Variants in IL17REL observed in about 807,000 individuals in gnomAD.
The protein encoded by IL17REL is interleukin-17 receptor E-like protein.
Under a neutral mutation model 49.0 loss-of-function variants are expected in IL17REL, and 36 were observed. That is an observed-to-expected ratio of 0.73 (90% CI 0.56 to 0.97). The LOEUF (loss-of-function observed/expected upper bound fraction) is 0.97. IL17REL is among the 50% of genes least tolerant of loss of function. The pLI is 0.00. For missense variants in IL17REL, 470 were observed against 453.9 expected (o/e 1.04, Z -0.32); for synonymous variants, 206 against 192.4 (o/e 1.07, Z -0.58).
upstream of IL17REL, among the ~76,000 whole-genome samples, chr22:50,009,238 C>G (rs900629939): frequency 2.0e-5 from 3 of 151,888 alleles, no homozygotes; most frequent in Non-Finnish European, 2.9e-5. Context: ...GGGGGCATGC[C>G]GTGCAGTGAA....
At chr22:50,003,413 C>T (rs867585169) in intron 1 of IL17REL, among the ~76,000 whole-genome samples, 43 of 149,324 alleles carry the variant, frequency 2.9e-4, no homozygotes, top group African/African-American at 9.6e-4. Flanking sequence ...CCCAGCTACT[C>T]AGGAAGCTGA....
rs1486842163 is a variant in IL17REL at position 49,999,597 on chromosome 22, C to T, written c.475-95G>A. 1.1e-5 allele frequency: 5 copies of T among 455,606 alleles called. No individual in the cohort carries two copies. The Admixed American group carries it at 1.3e-4, about 12-fold the overall frequency. 28.2% of individuals were successfully genotyped at this position (455,606 alleles called of 1,614,324 possible). ...GCACCGAACGGGGCGGGAGCGGGGA[C>T]GGGAGGTGGGTGGGGCCTAGGCCTG... On this transcript the variant is annotated intron_variant, in intron 5 of 12. Transcript: ENST00000341280.
intron 1 of IL17REL, among the ~76,000 whole-genome samples, chr22:50,007,155 A>C (rs1203927779): frequency 1.3e-5 from 2 of 152,074 alleles, no homozygotes; most frequent in African/African-American, 4.8e-5. Context: ...TGAACAGTAA[A>C]CCTTTGGAAT....
intron 5 of IL17REL, 25 bp downstream of exon 7, chr22:49,999,803 C>T (rs1375953710): frequency 2.0e-5 from 30 of 1,478,836 alleles, no homozygotes; most frequent in South Asian, 2.6e-5. Flanking sequence ...TAAGGCTGAC[C>T]GGGGCCCGGG....
intron 10 of IL17REL, chr22:49,997,473 C>A (rs2030918460): frequency 1.3e-6 from 2 of 1,540,060 alleles, no homozygotes; most frequent in South Asian, 2.3e-5. Flanking sequence ...GCTGGATGGT[C>A]ATTTTCCAGG....
chr22:50,001,310 A>T, intron 1 of IL17REL, 79 bp from the exon 3 acceptor site: 1 of 628,234 alleles, frequency 1.6e-6, no homozygotes, highest in Non-Finnish European at 2.8e-6. Flanking sequence ...GGGAAGGGGG[A>T]GAGAGCCCTG....
At chr22:49,992,978 C>T (rs2061013574), downstream of IL17REL, among the ~76,000 whole-genome samples, 1 of 152,202 alleles carries the variant, frequency 6.6e-6, no homozygotes, top group Non-Finnish European at 1.5e-5. Context: ...TCATTCCTCA[C>T]CCCACACTGG....
chr22:49,997,238 A>C, intron 11 of IL17REL, 82 bp downstream of exon 13: 2 of 1,470,528 alleles, frequency 1.4e-6, no homozygotes, highest in Non-Finnish European at 1.9e-6. Context: ...CGGGTGGGGC[A>C]GAGACCACCA....
chr22:50,005,977 A>T (rs915798175), intron 1 of IL17REL, among the ~76,000 whole-genome samples: 7 of 152,024 alleles, frequency 4.6e-5, no homozygotes, highest in African/African-American at 1.7e-4. Context: ...CTTCCTAGAA[A>T]CGTAGGAGAG....
At chr22:49,996,455 C>T (rs2061034947) in exon 13 of IL17REL, 1 of 153,268 alleles carries the variant, frequency 6.5e-6, no homozygotes, top group Non-Finnish European at 1.5e-5. Context: ...GAGCCTGGGC[C>T]TCAGTGGCTG....
downstream of IL17REL, among the ~76,000 whole-genome samples, chr22:49,993,513 T>C (rs2061016531): frequency 1.3e-5 from 2 of 152,098 alleles, no homozygotes; most frequent in Non-Finnish European, 2.9e-5. The surrounding 1 kb of genome is among the most constrained non-coding windows in gnomAD (Gnocchi z 6.0). Context: ...GGGCGGCTGA[T>C]CCGGCTCAGC....
chr22:50,000,975 GC>G (rs878930442), intron 2 of IL17REL, 106 bp downstream of exon 3: 13 of 1,252,012 alleles, frequency 1.0e-5, no homozygotes, highest in Non-Finnish European at 1.4e-5. Context: ...GCGGTTAGCA[GC>G]CCCCCTCCCT....
intron 1 of IL17REL, among the ~76,000 whole-genome samples, chr22:50,006,340 GC>G (rs2061110391): frequency 6.6e-6 from 1 of 152,040 alleles, no homozygotes; most frequent in African/African-American, 2.4e-5. Flanking sequence ...GGTTTAAACG[GC>G]CCCGACAGTC....
chr22:49,999,770 G>C (rs1243227506), intron 5 of IL17REL, 58 bp downstream of exon 7: 3 of 1,297,114 alleles, frequency 2.3e-6, no homozygotes, highest in African/African-American at 1.6e-5. Context: ...ACCGGGGCCC[G>C]GGGCGCGGAG....
At chr22:50,011,834 C>A (rs1450883479), upstream of IL17REL, among the ~76,000 whole-genome samples, 3 of 152,240 alleles carry the variant, frequency 2.0e-5, no homozygotes, top group Non-Finnish European at 4.4e-5. Flanking sequence ...GATGTCCCCG[C>A]AAGTGTCCCC....
chr22:50,006,800 A>G (rs1050027363), intron 1 of IL17REL, among the ~76,000 whole-genome samples: 10 of 151,928 alleles, frequency 6.6e-5, no homozygotes, highest in Non-Finnish European at 1.0e-4. Context: ...AAAAATACAC[A>G]AAAAATTACC....
At position 49,998,885 on chromosome 22, in the gene IL17REL, A is replaced by ATG. The variant is rs553186989; in HGVS notation, c.601+404_601+405dup. Among the ~76,000 whole-genome samples the ATG allele has an allele frequency of 1.5e-3, 211 of 144,962 alleles. 2 individuals carry two copies. The highest frequency in any genetic ancestry group is 5.2e-3 in the African/African-American group (202 of 38,710). On this transcript the variant is annotated intron_variant, in intron 7 of 12. Transcript: ENST00000341280. ...CGTGTATGTTCATGGGTGTCTGTGC[A>ATG]TGTGTGTGTGCATGTGTATGGGCGT...
intron 5 of IL17REL, 44 bp downstream of exon 7, chr22:49,999,784 G>C: frequency 1.5e-6 from 2 of 1,360,984 alleles, no homozygotes; most frequent in Non-Finnish European, 1.9e-6. Context: ...CGCGGAGGTG[G>C]GCGGGGCCTA....
chr22:50,001,131 A>G, exon 2 of IL17REL: 2 of 1,606,266 alleles, frequency 1.2e-6, no homozygotes, highest in Non-Finnish European at 1.7e-6. Flanking sequence ...CGCAGCCGTC[A>G]GAGGGGACAC....
Sources: allele counts gnomAD v4.1 joint callset (sites outside exome capture counted in the v4.1 genomes callset), GRCh38; gene constraint gnomAD v4.1.1; non-coding constraint Gnocchi (gnomAD v3.1); transcripts MANE v1.5; gene names NCBI Gene and HGNC (gene_info 2026-07-23, HGNC 2026-07-21).